Variants in PNPLA1 observed in about 807,000 individuals in gnomAD.
The protein encoded by PNPLA1 is patatin like domain 1, omega-hydroxyceramide transacylase.
A neutral mutation model predicts 51.7 loss-of-function variants in PNPLA1; 36 were observed. That is an observed-to-expected ratio of 0.70 (90% CI 0.53 to 0.92). PNPLA1 has a LOEUF of 0.92. Ranked by LOEUF, PNPLA1 falls within the 40% of genes least tolerant of loss-of-function variation. The probability of loss-of-function intolerance (pLI) is 0.00; values close to 1 mark genes in which losing one functional copy is unlikely to be tolerated. For synonymous variants in PNPLA1, 293 were observed against 280.1 expected (o/e 1.05, Z -0.46); for missense variants, 658 against 682.5 (o/e 0.96, Z 0.40).
chr6:36,301,838 C>T (rs761325452), intron 5 of PNPLA1, 23 bp from the exon 6 acceptor site: 1 of 1,602,302 alleles, frequency 6.2e-7, no homozygotes, highest in African/African-American at 1.3e-5. Flanking sequence ...CTGAGTAACA[C>T]CCCATGCTAT....
intron 7 of PNPLA1, among the ~76,000 whole-genome samples, chr6:36,307,138 A>G (rs543121855): frequency 1.3e-5 from 2 of 152,118 alleles, no homozygotes; most frequent in African/African-American, 2.4e-5. Context: ...GGGTTTCTCC[A>G]TGACCACAGC....
At chr6:36,278,779 G>A (rs956327253) in intron 1 of PNPLA1, among the ~76,000 whole-genome samples, 3 of 152,180 alleles carry the variant, frequency 2.0e-5, no homozygotes, top group African/African-American at 7.2e-5. Context: ...GCTGAATTAC[G>A]GTGATGAAAT....
rs150327091 is a variant in PNPLA1, at chr6:36,281,204, T to A, written c.206-10116T>A. On this transcript the variant is annotated intron_variant, in intron 1 of 8. Coordinates refer to ENST00000636260, the MANE Select transcript of PNPLA1 (RefSeq NM_001374623.1). ...ATGAATGAGAACCTCCATTTTTTCC[T>A]GTTGCAGGTGTGTGGGTGAGTGTGA... Among the ~76,000 whole-genome samples the A allele has an allele frequency of 1.3e-4, 20 of 152,332 alleles. No homozygotes were observed. The East Asian group carries it at 3.9e-3, about 29-fold the overall frequency.
rs1770332174 is a variant in PNPLA1, at chr6:36,282,204, GGAAGGAAGGGAA to G, written c.206-9114_206-9103del. 5.6e-5 allele frequency among the ~76,000 whole-genome samples: 3 copies of G among 53,176 alleles called. 1 individual carries two copies. The highest frequency in any genetic ancestry group is 2.5e-4 in the African/African-American group (3 of 11,892). 34.9% of individuals were successfully genotyped at this position (53,176 alleles called of 152,430 possible). On this transcript the variant is annotated intron_variant, in intron 1 of 8. Transcript: ENST00000636260. The stretch of plus-strand genomic sequence containing the variant: ...GAGAAAGAAAGAAAGAAGGAAGGAA[GGAAGGAAGGGAA>G]GGAAGGAAGGAAGGAAGGAAAGAAA...
chr6:36,302,762 A>G (rs1052143595), intron 6 of PNPLA1, among the ~76,000 whole-genome samples: 5 of 131,840 alleles, frequency 3.8e-5, no homozygotes, highest in Admixed American at 1.7e-4. Context: ...CTGCAGACCT[A>G]CTAAATTACC....
chr6:36,259,275 T>C (rs1769595791), intron 1 of PNPLA1, among the ~76,000 whole-genome samples: 1 of 152,188 alleles, frequency 6.6e-6, no homozygotes, highest in Non-Finnish European at 1.5e-5. Context: ...TTGTCAGTTA[T>C]ATTTAAGCTA....
chr6:36,301,984 G>C lies in PNPLA1; in HGVS notation c.899G>C (p.Arg300Pro). 1 of 1,614,216 alleles carries C rather than the reference G, an allele frequency of 6.2e-7. No homozygotes were observed. The highest frequency in any genetic ancestry group is 1.1e-5 in the South Asian group (1 of 91,086). ...CGCAGTCAACCAAGCCTTCGAGCAC[G>C]GCAGGCCAGTCTGGAAGGAGCCACA... Reference protein sequence around the residue: ...PERSQPSLRARQASLEGATQP... With the variant: ...PERSQPSLRAPQASLEGATQP... Residue 300 changes from arginine to proline, a missense_variant, in exon 6 of 9, where the codon CGG becomes CCG. Transcript: ENST00000636260.
chr6:36,295,454 C>T, intron 5 of PNPLA1, 30 bp downstream of exon 5: 1 of 1,608,058 alleles, frequency 6.2e-7, no homozygotes, highest in Non-Finnish European at 8.5e-7. Flanking sequence ...CAGGTAAGGG[C>T]AGTGTTGGAG....
At position 36,291,385 on chromosome 6, in the gene PNPLA1, T is replaced by A. The variant is rs1561864182; in HGVS notation, c.271T>A (p.Ser91Thr). 1 of 1,614,120 alleles carries A rather than the reference T, an allele frequency of 6.2e-7. No individual in the cohort carries two copies. The highest frequency in any genetic ancestry group is 1.7e-5 in the Admixed American group (1 of 60,028). Residue 91 changes from serine to threonine, a missense_variant, in exon 2 of 9, where the codon TCC becomes ACC. Transcript: ENST00000636260. ...EVKKSFLGPL[S>T]PSCKMVQMMR... The stretch of plus-strand genomic sequence containing the variant: ...GAAGAAATCCTTCCTGGGGCCCTTG[T>A]CCCCGTCCTGTAAGATGGTGCAGAT...
In PNPLA1 at chr6:36,270,494, C is replaced by A; in HGVS notation, c.35C>A (p.Thr12Asn). 1 of 1,551,352 alleles carries A rather than the reference C, an allele frequency of 6.4e-7. No individual in the cohort carries two copies. Residue 12 changes from threonine (T) to asparagine (N), a missense_variant, in exon 1 of 9, where the codon ACC becomes AAC. Physicochemically the swap from Thr to Asn is moderately conservative, Grantham distance 65. Coordinates refer to ENST00000636260, the MANE Select transcript of PNPLA1 (RefSeq NM_001374623.1). ...CAGGTGTTCAAGGGGGACCCGGACA[C>A]CCCTCACTCCATCTCCTTCTCGGGC... ...EEQVFKGDPD[T>N]PHSISFSGSG...
At position 36,312,593 on chromosome 6, in the gene PNPLA1, C is replaced by T. The variant is rs1022745645; in HGVS notation, c.*707C>T. 1.3e-5 allele frequency among the ~76,000 whole-genome samples: 2 copies of T among 152,250 alleles called. No homozygotes were observed. The highest frequency in any genetic ancestry group is 2.4e-5 in the African/African-American group (1 of 41,528). ...CCGAGAGAGAGAACGGGAGCTGGAA[C>T]GGGAGAGAACCTGAGGACCCTGAGG... On this transcript the variant is annotated 3_prime_UTR_variant, in exon 9 of 9. Transcript: ENST00000636260.
In PNPLA1 at chr6:36,244,110, C is replaced by G. The variant is rs74738659; in HGVS notation, c.-81+849C>G. 2.0e-3 allele frequency among the ~76,000 whole-genome samples: 308 copies of G among 152,264 alleles called. 4 individuals carry two copies. In the East Asian group the frequency reaches 0.035, roughly 17 times the overall value. ...GAGCCCATGCACAGCGTTTCTTTCT[C>G]TCCCTTCCTCTTCCACCTCCTTTTT... On this transcript the variant is annotated intron_variant, in intron 1 of 7. Coordinates refer to the PNPLA1 transcript ENST00000312917.
At position 36,294,383 on chromosome 6, in the gene PNPLA1, T is replaced by TC. The variant is rs748875426; in HGVS notation, c.704dup (p.Asp236GlyfsTer29). ...ATCGCCAGGATGACCCACGCATTGT[T>TC]CCCCCCGGACCTGGTGGTGAGAGGC... On this transcript the variant is annotated frameshift_variant, in exon 4 of 9. Transcript: ENST00000636260. LOFTEE classifies it high-confidence loss of function. This position sits in a 1 kb window ranked among gnomAD's most constrained non-coding sequence, Gnocchi z 4.2. 12 of 1,613,760 alleles carry TC rather than the reference T, an allele frequency of 7.4e-6. No homozygotes were observed. The African/African-American group carries it at 9.3e-5, about 13-fold the overall frequency.
chr6:36,286,169 A>G (rs543821730), intron 1 of PNPLA1, among the ~76,000 whole-genome samples: 15 of 152,354 alleles, frequency 9.8e-5, no homozygotes, highest in African/African-American at 3.6e-4. Flanking sequence ...AGGTATTCTT[A>G]TACTAATTTT....
At chr6:36,261,302 T>G (rs1353076528) in intron 1 of PNPLA1, among the ~76,000 whole-genome samples, 1 of 152,226 alleles carries the variant, frequency 6.6e-6, no homozygotes, top group Non-Finnish European at 1.5e-5. Flanking sequence ...CTGACCACCA[T>G]GAATGGCAAT....
At position 36,271,110 on chromosome 6, in the gene PNPLA1, C is replaced by G. The variant is rs79632929; in HGVS notation, c.205+446C>G. ...CAAATCTCTATCACCCTGATGGGGA[C>G]GTATTGTCCACCATTTCCAGGTGGC... On this transcript the variant is annotated intron_variant, in intron 1 of 8. Coordinates refer to ENST00000636260, the MANE Select transcript of PNPLA1 (RefSeq NM_001374623.1). Among the ~76,000 whole-genome samples, 142 of 152,246 alleles carry G rather than the reference C, an allele frequency of 9.3e-4. 1 individual carries two copies. The highest frequency in any genetic ancestry group is 3.3e-3 in the African/African-American group (136 of 41,532).
At chr6:36,310,644 G>C (rs1451127500) in intron 8 of PNPLA1, among the ~76,000 whole-genome samples, 1 of 152,214 alleles carries the variant, frequency 6.6e-6, no homozygotes, top group Non-Finnish European at 1.5e-5. Context: ...CATGCCCGAA[G>C]CTACACAGTT....
intron 1 of PNPLA1, among the ~76,000 whole-genome samples, chr6:36,278,074 A>G (rs906208548): frequency 1.3e-5 from 2 of 152,300 alleles, no homozygotes; most frequent in South Asian, 4.1e-4. Context: ...CCTCCTCTCC[A>G]GACACCATCC....
In PNPLA1 at chr6:36,254,343, G is replaced by T. The variant is rs1769484281; in HGVS notation, c.-81+11082G>T. Among the ~76,000 whole-genome samples, 5 of 152,264 alleles carry T rather than the reference G, an allele frequency of 3.3e-5. No individual in the cohort carries two copies. The South Asian group carries it at 8.3e-4, about 25-fold the overall frequency. On this transcript the variant is annotated intron_variant, in intron 1 of 7. Coordinates refer to the PNPLA1 transcript ENST00000312917. ...TAATCCCAACATTTTGGGAGACTGA[G>T]GTGGGAGGATTGCCTGAACCCAGGA... is the stretch of plus-strand genomic sequence containing the variant.
Sources: gnomAD v4.1 joint callset for allele counts (sites outside exome capture counted in the v4.1 genomes callset) on GRCh38, gnomAD v4.1.1 for gene constraint, Gnocchi (gnomAD v3.1) non-coding constraint, MANE v1.5 for transcripts, NCBI Gene and HGNC (gene_info 2026-07-23, HGNC 2026-07-21) for gene names.